The following ZNF804A variants were observed in gnomAD, a reference collection of about 807,000 sequenced individuals.
ZNF804A encodes zinc finger protein 804A.
Under a neutral mutation model 16.5 loss-of-function variants are expected in ZNF804A, and 2 were observed. That is an observed-to-expected ratio of 0.12 (90% CI 0.05 to 0.38). The LOEUF (loss-of-function observed/expected upper bound fraction) is 0.38. ZNF804A is among the 10% of genes least tolerant of loss of function. The pLI is 0.99. For synonymous variants in ZNF804A, 534 were observed against 489.6 expected, an observed-to-expected ratio of 1.09 and a Z score of -1.20; for missense variants, 1,473 against 1,390.7, an observed-to-expected ratio of 1.06 and a Z score of -0.94.
intron 1 of ZNF804A, among the ~76,000 whole-genome samples, chr2:184,768,389 G>A (rs1694162406): frequency 6.6e-6 from 1 of 151,960 alleles, no homozygotes; most frequent in South Asian, 2.1e-4. Flanking sequence ...ACTCCTAGTG[G>A]ACTTTATGAA....
intron 1 of ZNF804A, among the ~76,000 whole-genome samples, chr2:184,628,015 A>G (rs1052569123): frequency 6.6e-6 from 1 of 152,152 alleles, no homozygotes; most frequent in African/African-American, 2.4e-5. Flanking sequence ...GTAAGTTTAT[A>G]AAAGATGTAA....
chr2:184,710,818 T>G (rs1040159522), intron 1 of ZNF804A, among the ~76,000 whole-genome samples: 1 of 151,814 alleles, frequency 6.6e-6, no homozygotes, highest in Non-Finnish European at 1.5e-5. Context: ...AAGTCCAACA[T>G]GTTGCATATG....
chr2:184,797,208 A>G (rs1029337709), intron 1 of ZNF804A, among the ~76,000 whole-genome samples: 24 of 152,174 alleles, frequency 1.6e-4, no homozygotes, highest in Admixed American at 1.5e-3. Context: ...TGACCTGCCT[A>G]GTGCCATCAG....
chr2:184,744,918 G>A (rs1041990623), intron 1 of ZNF804A, among the ~76,000 whole-genome samples: 8 of 151,564 alleles, frequency 5.3e-5, no homozygotes, highest in Non-Finnish European at 1.0e-4. Flanking sequence ...AATCATGTGG[G>A]ATGAAAAAAA....
chr2:184,933,945 T>G (rs933930397), intron 3 of ZNF804A, among the ~76,000 whole-genome samples: 2 of 152,028 alleles, frequency 1.3e-5, no homozygotes, highest in Admixed American at 6.6e-5. Context: ...AAAGCCAAAA[T>G]TACTGTAATT....
intron 2 of ZNF804A, among the ~76,000 whole-genome samples, chr2:184,924,061 T>C (rs1332613039): frequency 6.6e-6 from 1 of 151,502 alleles, no homozygotes; most frequent in African/African-American, 2.4e-5. Flanking sequence ...TTTTCCTGGT[T>C]TTGGTATCAG....
At chr2:184,868,024 T>C (rs1695901402) in intron 2 of ZNF804A, among the ~76,000 whole-genome samples, 1 of 152,122 alleles carries the variant, frequency 6.6e-6, no homozygotes, top group African/African-American at 2.4e-5. Flanking sequence ...CCAAGGGCAT[T>C]TTCAGTTTCT....
At chr2:184,735,187 C>T (rs1267622496) in intron 1 of ZNF804A, among the ~76,000 whole-genome samples, 2 of 152,078 alleles carry the variant, frequency 1.3e-5, no homozygotes, top group East Asian at 3.9e-4. Flanking sequence ...GGATTTCTAT[C>T]TACCACTTGG....
chr2:184,680,167 G>A (rs368027705), intron 1 of ZNF804A, among the ~76,000 whole-genome samples: 2 of 152,190 alleles, frequency 1.3e-5, no homozygotes, highest in East Asian at 3.9e-4. Flanking sequence ...ACCTTCCTTT[G>A]GAGAGAACTA....
intron 1 of ZNF804A, among the ~76,000 whole-genome samples, chr2:184,662,798 G>A (rs1167030268): frequency 6.6e-6 from 1 of 152,190 alleles, no homozygotes; most frequent in African/African-American, 2.4e-5. Flanking sequence ...ATAAAGTGAT[G>A]TTGAAGATGT....
chr2:184,827,482 T>TTA lies in ZNF804A; in HGVS notation c.112-38876_112-38875dup, dbSNP rs1300690200. ...TATTTATATATACTATAATATATAT[T>TTA]TATATATATATAAAAATATATATAT... On this transcript the variant is annotated intron_variant, in intron 1 of 3. Coordinates refer to ENST00000302277, the MANE Select transcript of ZNF804A (RefSeq NM_194250.2). Among the ~76,000 whole-genome samples the TTA allele has an allele frequency of 4.9e-4, 71 of 146,200 alleles. No homozygotes were observed. In the Middle Eastern group the frequency reaches 0.011, roughly 22 times the overall value.
chr2:184,662,655 A>G (rs1206470461), intron 1 of ZNF804A, among the ~76,000 whole-genome samples: 2 of 152,218 alleles, frequency 1.3e-5, no homozygotes, highest in Non-Finnish European at 2.9e-5. Context: ...TCATACCAAA[A>G]TAATTTTAAT....
At chr2:184,888,443 C>T (rs760104734) in intron 2 of ZNF804A, among the ~76,000 whole-genome samples, 2 of 152,080 alleles carry the variant, frequency 1.3e-5, no homozygotes, top group African/African-American at 4.8e-5. Context: ...GTATGCTGTG[C>T]CCTTGGCTCC....
chr2:184,935,737 TC>T (rs773695493), intron 3 of ZNF804A, 45 bp from the exon 4 acceptor site: 7 of 1,496,236 alleles, frequency 4.7e-6, no homozygotes, highest in Non-Finnish European at 6.2e-6. Context: ...TATTTTTTTT[TC>T]TCAAAAGTGT....
At chr2:184,626,203 C>A (rs1476325327) in intron 1 of ZNF804A, among the ~76,000 whole-genome samples, 2 of 151,976 alleles carry the variant, frequency 1.3e-5, no homozygotes, top group Admixed American at 6.6e-5. Context: ...TAGGACAGGG[C>A]AATTTTCCAA....
chr2:184,771,246 G>T (rs1437784351), intron 1 of ZNF804A, among the ~76,000 whole-genome samples: 1 of 151,858 alleles, frequency 6.6e-6, no homozygotes, highest in Non-Finnish European at 1.5e-5. Context: ...GGTCATTTTT[G>T]ACAATAAGGT....
chr2:184,825,228 A>G (rs1439807937), intron 1 of ZNF804A, among the ~76,000 whole-genome samples: 1 of 152,182 alleles, frequency 6.6e-6, no homozygotes, highest in Non-Finnish European at 1.5e-5. Context: ...TGATGGATAA[A>G]TAAATTAACT....
intron 2 of ZNF804A, among the ~76,000 whole-genome samples, chr2:184,907,275 T>C (rs1358734294): frequency 5.1e-5 from 7 of 136,234 alleles, no homozygotes; most frequent in Non-Finnish European, 8.6e-5. Flanking sequence ...CTGTATTTGT[T>C]ATGTTAAACT....
At chr2:184,673,380 G>T (rs7601869) in intron 1 of ZNF804A, among the ~76,000 whole-genome samples, 4,669 of 152,200 alleles carry the variant, frequency 0.031, 246 homozygotes, top group African/African-American at 0.11. Flanking sequence ...TCATGTATCT[G>T]TGTTGCAATT....
Sources: gnomAD v4.1 joint callset for allele counts (sites outside exome capture counted in the v4.1 genomes callset) on GRCh38, gnomAD v4.1.1 for gene constraint, MANE v1.5 for transcripts, NCBI Gene and HGNC (gene_info 2026-07-23, HGNC 2026-07-21) for gene names.